The following CYP3A4 variants were observed in gnomAD, a reference collection of about 807,000 sequenced individuals.
The protein encoded by CYP3A4 is cytochrome P450 family 3 subfamily A member 4, also known as cytochrome P450 3A4.
Under a neutral mutation model 54.9 loss-of-function variants are expected in CYP3A4, and 41 were observed. That is an observed-to-expected ratio of 0.75 (90% CI 0.58 to 0.97). CYP3A4 has a LOEUF of 0.97. Ranked by LOEUF, CYP3A4 falls within the 50% of genes least tolerant of loss-of-function variation. The pLI, the probability that CYP3A4 is intolerant of heterozygous loss-of-function variation, is 0.00. For synonymous variants in CYP3A4, 179 were observed against 205.2 expected (o/e 0.87, Z 1.09); for missense variants, 510 against 597.3 (o/e 0.85, Z 1.52).
At chr7:99,777,826 G>C (rs553302587) in intron 3 of CYP3A4, among the ~76,000 whole-genome samples, 1 of 152,186 alleles carries the variant, frequency 6.6e-6, no homozygotes, top group Non-Finnish European at 1.5e-5. Context: ...TTTGCACATA[G>C]TTTATAAAGG....
At chr7:99,760,683 G>C in intron 12 of CYP3A4, 136 bp downstream of exon 12, 1 of 1,178,564 alleles carries the variant, frequency 8.5e-7, no homozygotes, top group East Asian at 2.6e-5. Flanking sequence ...AAAGATCACA[G>C]ATGGGCCTAA....
At chr7:99,766,264 G>T (rs562452936) in intron 9 of CYP3A4, 113 bp downstream of exon 9, 4 of 1,264,632 alleles carry the variant, frequency 3.2e-6, no homozygotes, top group Non-Finnish European at 4.5e-6. Flanking sequence ...AACATGTGTC[G>T]TTCTGCTATG....
intron 3 of CYP3A4, among the ~76,000 whole-genome samples, chr7:99,776,494 T>C (rs1584548630): frequency 6.6e-6 from 1 of 152,164 alleles, no homozygotes; most frequent in Non-Finnish European, 1.5e-5. Context: ...GTATACCCCA[T>C]GGAATACTAT....
intron 3 of CYP3A4, among the ~76,000 whole-genome samples, chr7:99,774,067 C>G (rs1269171723): frequency 6.6e-6 from 1 of 152,182 alleles, no homozygotes; most frequent in Non-Finnish European, 1.5e-5. Flanking sequence ...ATAAACACCT[C>G]TATGCAAATA....
chr7:99,780,048 C>A lies in CYP3A4; in HGVS notation c.109G>T (p.Gly37Ter). The A allele has an allele frequency of 1.2e-6, 2 of 1,613,588 alleles. No individual in the cohort carries two copies. Among genetic ancestry groups the A allele is most frequent in the East Asian group, 2.2e-5 (1 of 44,838 alleles). ...GGCAGAGGTGTGGGCCCTGGAATTC[C>A]AAGCTTCTTAAAAAGTCCATGTGAA... ...THSHGLFKKL[G>*]IPGPTPLPFL... Residue 37 changes from glycine to a stop codon, truncating the protein, a stop_gained, in exon 2 of 13, where the codon GGA (glycine) becomes TGA (stop). Coordinates refer to ENST00000651514, the MANE Select transcript of CYP3A4 (RefSeq NM_017460.6). LOFTEE classifies it high-confidence loss of function.
chr7:99,780,476 G>A (rs1815892222), intron 1 of CYP3A4, among the ~76,000 whole-genome samples: 1 of 152,170 alleles, frequency 6.6e-6, no homozygotes, highest in African/African-American at 2.4e-5. Context: ...TAGGTAGAAA[G>A]GGTGACATTT....
intron 8 of CYP3A4, 103 bp downstream of exon 8, chr7:99,767,028 A>C: frequency 1.8e-6 from 2 of 1,097,038 alleles, no homozygotes; most frequent in Non-Finnish European, 1.3e-6. Flanking sequence ...TCATGTTAAA[A>C]GCATTCTTTA....
Position 99,757,829 on chromosome 7 carries a change from C to T in CYP3A4, c.*304G>A, listed in dbSNP as rs1815216407. ...GAAATTATTGAGAAATGTTGATTCTCTTATCAGAGCTCAGGAGGAGTTAAT... is the reference window on the plus strand; with the variant it reads ...GAAATTATTGAGAAATGTTGATTCTTTTATCAGAGCTCAGGAGGAGTTAAT... On this transcript the variant is annotated 3_prime_UTR_variant, in exon 13 of 13. Coordinates refer to ENST00000651514, the MANE Select transcript of CYP3A4 (RefSeq NM_017460.6). 7.7e-6 allele frequency: 2 copies of T among 259,262 alleles called. No individual in the cohort carries two copies. 16.1% of individuals were successfully genotyped at this position (259,262 alleles called of 1,614,324 possible).
At position 99,770,118 on chromosome 7, in the gene CYP3A4, A is replaced by G. The variant is rs771106108; in HGVS notation, c.432+4T>C. 4 of 1,607,106 alleles carry G rather than the reference A, an allele frequency of 2.5e-6. No homozygotes were observed. The highest frequency in any genetic ancestry group is 3.3e-5 in the Admixed American group (2 of 59,954). On this transcript the variant is annotated splice_donor_region_variant and intron_variant, in intron 5 of 12. Coordinates refer to ENST00000651514, the MANE Select transcript of CYP3A4 (RefSeq NM_017460.6). ...TCTTATTAAAACTCATGTTATTTTC[A>G]TACCTCCTTGAGTTTTCCACTGGTG...
intron 10 of CYP3A4, among the ~76,000 whole-genome samples, chr7:99,762,735 G>T (rs866942672): frequency 6.6e-6 from 1 of 152,074 alleles, no homozygotes. Context: ...GTTCTGGTTG[G>T]ATGTAACCAG....
chr7:99,764,048 C>T, intron 9 of CYP3A4, 33 bp from the exon 10 acceptor site: 1 of 1,613,260 alleles, frequency 6.2e-7, no homozygotes, highest in Non-Finnish European at 8.5e-7. Flanking sequence ...TTAGGTAAAT[C>T]AGATCAATGT....
chr7:99,774,795 C>T (rs1165619675), intron 3 of CYP3A4, among the ~76,000 whole-genome samples: 1 of 152,138 alleles, frequency 6.6e-6, no homozygotes, highest in South Asian at 2.1e-4. Context: ...ACAAGGATGT[C>T]CTCTCTCACC....
intron 3 of CYP3A4, among the ~76,000 whole-genome samples, chr7:99,776,189 A>G (rs1359306947): frequency 6.6e-6 from 1 of 152,204 alleles, no homozygotes; most frequent in Non-Finnish European, 1.5e-5. Flanking sequence ...AAAAGTCAGG[A>G]AACAACAGAT....
chr7:99,775,886 A>G (rs1815758043), intron 3 of CYP3A4, among the ~76,000 whole-genome samples: 2 of 152,256 alleles, frequency 1.3e-5, no homozygotes, highest in Non-Finnish European at 2.9e-5. Flanking sequence ...AAAAGAAACT[A>G]TCATCAGAGC....
At chr7:99,775,531 A>T (rs999753264) in intron 3 of CYP3A4, among the ~76,000 whole-genome samples, 141 of 152,318 alleles carry the variant, frequency 9.3e-4, no homozygotes, top group African/African-American at 3.3e-3. Flanking sequence ...CCTCAGAAAT[A>T]ACACCATGCA....
intron 11 of CYP3A4, 150 bp downstream of exon 11, chr7:99,761,891 A>G (rs1380488292): frequency 1.7e-5 from 13 of 768,532 alleles, no homozygotes; most frequent in Admixed American, 1.7e-4. Context: ...AAGTGTGACA[A>G]TAATCAATTT....
At chr7:99,760,660 C>A (rs762118622) in intron 12 of CYP3A4, among the ~76,000 whole-genome samples, 159 bp downstream of exon 12, 2 of 152,212 alleles carry the variant, frequency 1.3e-5, no homozygotes, top group Non-Finnish European at 2.9e-5. Context: ...AACTCCAGAA[C>A]TGAAGCACCC....
At position 99,763,890 on chromosome 7, in the gene CYP3A4, G is replaced by A. The variant is rs1237724647; in HGVS notation, c.991C>T (p.Leu331=). 2 of 1,613,914 alleles carry A rather than the reference G, an allele frequency of 1.2e-6. No individual in the cohort carries two copies. Among genetic ancestry groups the A allele is most frequent in the African/African-American group, 2.7e-5 (2 of 74,908 alleles). ...LATHPDVQQK[L]QEEIDAVLPN... Reference sequence around the variant, plus strand: ...AAAACTGCATCAATTTCCTCCTGCAGTTTCTGCTGGACATCAGGGTGAGTG... The same window carrying A: ...AAAACTGCATCAATTTCCTCCTGCAATTTCTGCTGGACATCAGGGTGAGTG... The change falls in exon 10 of 13, where the codon CTG becomes TTG. Residue 331 remains leucine, a synonymous_variant. Coordinates refer to ENST00000651514, the MANE Select transcript of CYP3A4 (RefSeq NM_017460.6).
chr7:99,762,331 G>T, intron 10 of CYP3A4, 64 bp from the exon 11 acceptor site: 5 of 1,563,014 alleles, frequency 3.2e-6, no homozygotes, highest in Non-Finnish European at 4.4e-6. Flanking sequence ...CTCAGTCCAT[G>T]CAGTACTAAT....
Sources: allele counts gnomAD v4.1 joint callset (sites outside exome capture counted in the v4.1 genomes callset), GRCh38; gene constraint gnomAD v4.1.1; transcripts MANE v1.5; gene names NCBI Gene and HGNC (gene_info 2026-07-23, HGNC 2026-07-21).